The following TENM3 variants were observed in gnomAD, a reference collection of about 807,000 sequenced individuals.
The protein encoded by TENM3 is teneurin-3.
In TENM3, 63 loss-of-function variants were observed where a neutral mutation model predicts 255.1. The observed-to-expected ratio is 0.25, with a 90% CI of 0.20 to 0.30. The LOEUF (loss-of-function observed/expected upper bound fraction) is 0.30, where lower values mean the gene tolerates loss of function less well. Among genes scored for constraint, TENM3 ranks in the 10% least tolerant of loss-of-function variants. The pLI, the probability that TENM3 is intolerant of heterozygous loss-of-function variation, is 1.00. For synonymous variants in TENM3, 1,306 were observed against 1,322.3 expected, an observed-to-expected ratio of 0.99 and a Z score of 0.27; for missense variants, 2,929 against 3,461.1, an observed-to-expected ratio of 0.85 and a Z score of 3.86.
At chr4:181,938,964 C>T in the TENM3 span, among the ~76,000 whole-genome samples, 3 of 152,014 alleles carry the variant, frequency 2.0e-5, no homozygotes, top group African/African-American at 4.8e-5. Context: ...GGAAATTGTA[C>T]GTTAGCACTA....
the TENM3 span, among the ~76,000 whole-genome samples, chr4:181,501,681 T>C: frequency 8.5e-5 from 13 of 152,308 alleles, no homozygotes; most frequent in African/African-American, 2.6e-4. Flanking sequence ...CCCAGCCAGA[T>C]TGGTTTTTTT....
the TENM3 span, among the ~76,000 whole-genome samples, chr4:182,092,137 C>CA: frequency 6.6e-6 from 1 of 151,966 alleles, no homozygotes; most frequent in African/African-American, 2.4e-5. Flanking sequence ...GTCAGGAGTT[C>CA]AAAACCAGCC....
chr4:182,097,751 A>T, the TENM3 span, among the ~76,000 whole-genome samples: 1 of 152,182 alleles, frequency 6.6e-6, no homozygotes. Flanking sequence ...TTTACTTATT[A>T]TGTGCCAAGT....
At chr4:182,393,618 G>A (rs2150992077) in intron 3 of TENM3, among the ~76,000 whole-genome samples, 1 of 152,164 alleles carries the variant, frequency 6.6e-6, no homozygotes, top group African/African-American at 2.4e-5. Context: ...ACAGCTAATG[G>A]ACTTCGGATT....
At chr4:182,635,865 C>G (rs1294253904) in intron 5 of TENM3, among the ~76,000 whole-genome samples, 2 of 152,122 alleles carry the variant, frequency 1.3e-5, no homozygotes, top group Non-Finnish European at 2.9e-5. Flanking sequence ...CTCTGTGTAC[C>G]TTGAAATTGA....
At chr4:182,124,212 C>G in the TENM3 span, among the ~76,000 whole-genome samples, 1 of 152,022 alleles carries the variant, frequency 6.6e-6, no homozygotes. Context: ...CCACCATGCC[C>G]AGCTAATTTT....
chr4:182,064,287 A>C, the TENM3 span, among the ~76,000 whole-genome samples: 1 of 152,078 alleles, frequency 6.6e-6, no homozygotes, highest in Non-Finnish European at 1.5e-5. Flanking sequence ...AAGCTAAACT[A>C]AGAAATTTGG....
chr4:182,515,938 T>A (rs1240815438), intron 3 of TENM3, among the ~76,000 whole-genome samples: 1 of 152,262 alleles, frequency 6.6e-6, no homozygotes, highest in Non-Finnish European at 1.5e-5. Flanking sequence ...GACCACATTT[T>A]CACCCTACAT....
At chr4:181,779,899 G>C in the TENM3 span, among the ~76,000 whole-genome samples, 8 of 152,154 alleles carry the variant, frequency 5.3e-5, no homozygotes, top group Admixed American at 5.2e-4. Context: ...TTGGTTTCTT[G>C]TCCTTGCAAC....
At chr4:182,023,812 T>A in the TENM3 span, among the ~76,000 whole-genome samples, 1 of 152,224 alleles carries the variant, frequency 6.6e-6, no homozygotes, top group African/African-American at 2.4e-5. Context: ...ATATCATCTG[T>A]ACCAAAATCC....
intron 1 of TENM3, among the ~76,000 whole-genome samples, chr4:182,305,798 G>A (rs1353476025): frequency 6.6e-6 from 1 of 152,216 alleles, no homozygotes; most frequent in Non-Finnish European, 1.5e-5. Flanking sequence ...AGTTTGATGC[G>A]TGGTGCTTAC....
At chr4:182,075,196 T>C in the TENM3 span, among the ~76,000 whole-genome samples, 1 of 111,388 alleles carries the variant, frequency 9.0e-6, no homozygotes, top group Non-Finnish European at 1.8e-5. Flanking sequence ...CACTTGTTTT[T>C]TTTCTTTTTT....
chr4:182,764,932 CATT>C (rs1763556061), intron 22 of TENM3, among the ~76,000 whole-genome samples: 1 of 152,102 alleles, frequency 6.6e-6, no homozygotes, highest in South Asian at 2.1e-4. Flanking sequence ...GTCAGTCAGT[CATT>C]AGGACATGAA....
At chr4:182,389,751 T>C (rs1768284599) in intron 3 of TENM3, among the ~76,000 whole-genome samples, 1 of 141,920 alleles carries the variant, frequency 7.0e-6, no homozygotes, top group African/African-American at 2.6e-5. Context: ...AGTGGCGCGA[T>C]CTCGGCTCAC....
chr4:181,693,267 G>A, the TENM3 span, among the ~76,000 whole-genome samples: 1 of 152,178 alleles, frequency 6.6e-6, no homozygotes, highest in Non-Finnish European at 1.5e-5. Context: ...TTATGGGGTT[G>A]TGCCTATTGG....
At chr4:181,595,134 C>G in the TENM3 span, among the ~76,000 whole-genome samples, 1 of 152,060 alleles carries the variant, frequency 6.6e-6, no homozygotes, top group Non-Finnish European at 1.5e-5. Flanking sequence ...TGATTTTCTA[C>G]TAAAAGTAGA....
intron 3 of TENM3, among the ~76,000 whole-genome samples, chr4:182,561,985 CAGATAGAT>C (rs60745078): frequency 0.014 from 1,999 of 145,284 alleles, 42 homozygotes; most frequent in East Asian, 0.1. Flanking sequence ...GATAGATAGA[CAGATAGAT>C]AGATAGATAG....
the TENM3 span, among the ~76,000 whole-genome samples, chr4:181,531,924 T>C: frequency 6.3e-4 from 96 of 152,332 alleles, no homozygotes; most frequent in African/African-American, 2.1e-3. Flanking sequence ...GATGTCAATA[T>C]GTGGCTCACC....
At chr4:182,240,047 G>A (rs1253964335), upstream of TENM3, among the ~76,000 whole-genome samples, 2 of 152,200 alleles carry the variant, frequency 1.3e-5, no homozygotes, top group Non-Finnish European at 2.9e-5. Flanking sequence ...GAAACTGGGG[G>A]AAAGTTAAGC....
Sources: gnomAD v4.1 joint callset for allele counts (sites outside exome capture counted in the v4.1 genomes callset) on GRCh38, gnomAD v4.1.1 for gene constraint, MANE v1.5 for transcripts, NCBI Gene and HGNC (gene_info 2026-07-23, HGNC 2026-07-21) for gene names.